ZFHX3: variants seen among roughly 807,000 people sequenced by gnomAD.
ZFHX3 encodes the protein zinc finger homeobox 3, also known as zinc finger homeobox protein 3.
A neutral mutation model predicts 279.1 loss-of-function variants in ZFHX3; 42 were observed. The ratio of observed to expected loss-of-function variants is 0.15; its 90% CI spans 0.12 to 0.19. The LOEUF (loss-of-function observed/expected upper bound fraction) is 0.19, where lower values mean the gene tolerates loss of function less well. Among genes scored for constraint, ZFHX3 ranks in the 10% least tolerant of loss-of-function variants. The probability of loss-of-function intolerance (pLI) is 1.00; values close to 1 mark genes in which losing one functional copy is unlikely to be tolerated. For synonymous variants in ZFHX3, 2,293 were observed against 1,957.8 expected, an observed-to-expected ratio of 1.17 and a Z score of -4.52; for missense variants, 4,981 against 4,754.0, an observed-to-expected ratio of 1.05 and a Z score of -1.40.
intron 1 of ZFHX3, among the ~76,000 whole-genome samples, chr16:73,755,010 C>T (rs185107538): frequency 3.9e-5 from 6 of 152,270 alleles, no homozygotes; most frequent in Admixed American, 3.9e-4. Context: ...AAAGCACCCT[C>T]CTTACAAAGG....
intron 2 of ZFHX3, among the ~76,000 whole-genome samples, chr16:73,667,679 TAACA>T (rs2052858751): frequency 6.6e-6 from 1 of 152,332 alleles, no homozygotes; most frequent in African/African-American, 2.4e-5. Flanking sequence ...ACAGGAAGGA[TAACA>T]ATCAGTAAAA....
intron 1 of ZFHX3, among the ~76,000 whole-genome samples, chr16:73,839,326 C>CAAAAAAGAAAAAAAAAAAAAAA (rs1961233006): frequency 3.3e-5 from 1 of 30,042 alleles, no homozygotes; most frequent in African/African-American, 1.2e-4. Flanking sequence ...GACTCCATCT[C>CAAAAAAGAAAAAAAAAAAAAAA]AAAAAAAAAA....
intron 3 of ZFHX3, among the ~76,000 whole-genome samples, chr16:72,915,302 T>C (rs751761449): frequency 3.3e-5 from 5 of 152,186 alleles, no homozygotes; most frequent in Non-Finnish European, 5.9e-5. Flanking sequence ...TAATACTATA[T>C]TGATCCCATC....
intron 2 of ZFHX3, among the ~76,000 whole-genome samples, chr16:73,661,198 A>G (rs2052780244): frequency 6.6e-6 from 1 of 152,250 alleles, no homozygotes; most frequent in Non-Finnish European, 1.5e-5. Flanking sequence ...TCAGAAACTT[A>G]TAAATAATAA....
At chr16:72,926,337 TC>T (rs1959447211) in intron 3 of ZFHX3, among the ~76,000 whole-genome samples, 1 of 152,078 alleles carries the variant, frequency 6.6e-6, no homozygotes, top group African/African-American at 2.4e-5. Context: ...GCCCGCCCAC[TC>T]GCTCCCCTTC....
rs982592668 is a variant in ZFHX3 at position 73,478,309 on chromosome 16, A to G, written c.-1546-22051T>C. 4.0e-5 allele frequency among the ~76,000 whole-genome samples: 6 copies of G among 149,346 alleles called. No individual in the cohort carries two copies. In the East Asian group the frequency reaches 1.0e-3, roughly 25 times the overall value. ...AAGTCAGAATTAGGTACTAAAAGCC[A>G]TATGACATGCCTGAACAGGGACTTG... On this transcript the variant is annotated intron_variant, in intron 2 of 17. Coordinates refer to the ZFHX3 transcript ENST00000641206.
intron 3 of ZFHX3, among the ~76,000 whole-genome samples, chr16:73,425,276 C>A (rs563200672): frequency 6.6e-6 from 1 of 152,144 alleles, no homozygotes; most frequent in South Asian, 2.1e-4. Context: ...CCTTGGGATG[C>A]GTGCTGATGC....
At chr16:72,884,939 G>A (rs1317939243) in intron 4 of ZFHX3, among the ~76,000 whole-genome samples, 2 of 152,154 alleles carry the variant, frequency 1.3e-5, no homozygotes, top group East Asian at 1.9e-4. Context: ...ATGCCGAGAC[G>A]AAATCCCAAC....
At chr16:73,460,892 T>C (rs983332021) in intron 2 of ZFHX3, among the ~76,000 whole-genome samples, 1 of 152,182 alleles carries the variant, frequency 6.6e-6, no homozygotes, top group African/African-American at 2.4e-5. Context: ...TCCAACGTGA[T>C]TGTAAGTTTC....
At chr16:73,502,569 C>T (rs972759195) in intron 2 of ZFHX3, among the ~76,000 whole-genome samples, 3 of 152,184 alleles carry the variant, frequency 2.0e-5, no homozygotes, top group African/African-American at 7.2e-5. Context: ...GCCTTCAGAT[C>T]TACCCAGGGA....
At chr16:73,435,501 C>G (rs1237985580) in intron 3 of ZFHX3, among the ~76,000 whole-genome samples, 1 of 152,172 alleles carries the variant, frequency 6.6e-6, no homozygotes, top group Admixed American at 6.5e-5. Context: ...TGAGCCACAG[C>G]GCCTGGCCCA....
rs1349769997 is a variant in ZFHX3, at chr16:72,784,447, A to G, written c.*2717T>C. 1 of 152,542 alleles carries G rather than the reference A, an allele frequency of 6.6e-6. No homozygotes were observed. The highest frequency in any genetic ancestry group is 2.4e-5 in the African/African-American group (1 of 41,418). 9.4% of individuals were successfully genotyped at this position (152,542 alleles called of 1,614,324 possible). A position where few individuals can be genotyped will look rare whatever the true frequency, so the allele number is the denominator to read the frequency against. On this transcript the variant is annotated 3_prime_UTR_variant, in exon 10 of 10. Transcript: ENST00000268489. ...ATTTGACAGGTAAAGCTAGTGTTACATTGTTAACTGATATCACATAGAGAA... is the reference window on the plus strand; with the variant it reads ...ATTTGACAGGTAAAGCTAGTGTTACGTTGTTAACTGATATCACATAGAGAA...
rs551325917 is a variant in ZFHX3, at chr16:72,799,324, A to AT, written c.3968-611dup. Among the ~76,000 whole-genome samples, 3 of 152,224 alleles carry AT rather than the reference A, an allele frequency of 2.0e-5. No individual in the cohort carries two copies. In the South Asian group the frequency reaches 6.2e-4, roughly 32 times the overall value. On this transcript the variant is annotated intron_variant, in intron 8 of 9. Transcript: ENST00000268489. ...TCAAGTGTTCAATTATTTAAAATACATTTTTTTCCCTACAATGAGATCATC... is the reference window on the plus strand; with the variant it reads ...TCAAGTGTTCAATTATTTAAAATACATTTTTTTTCCCTACAATGAGATCATC...
intron 1 of ZFHX3, among the ~76,000 whole-genome samples, chr16:73,877,828 T>G (rs1235122574): frequency 6.6e-6 from 1 of 152,038 alleles, no homozygotes; most frequent in African/African-American, 2.4e-5. Context: ...CAACTCAGAT[T>G]CTATTAAAAC....
intron 5 of ZFHX3, among the ~76,000 whole-genome samples, chr16:73,163,639 T>C (rs1967292502): frequency 6.6e-6 from 1 of 152,158 alleles, no homozygotes; most frequent in Non-Finnish European, 1.5e-5. Context: ...GAAAGGACAA[T>C]AGTAAGTGGA....
chr16:73,817,260 G>T (rs758373555), intron 1 of ZFHX3, among the ~76,000 whole-genome samples: 1 of 152,172 alleles, frequency 6.6e-6, no homozygotes, highest in Non-Finnish European at 1.5e-5. Context: ...AAGGAACAGG[G>T]CCAGTGATTT....
chr16:73,705,424 T>TGG (rs1418191793), intron 1 of ZFHX3, among the ~76,000 whole-genome samples: 1 of 152,162 alleles, frequency 6.6e-6, no homozygotes, highest in Non-Finnish European at 1.5e-5. Context: ...AAGCAGGAGC[T>TGG]GGCCATTGGA....
intron 1 of ZFHX3, among the ~76,000 whole-genome samples, chr16:73,734,424 G>T (rs1269514579): frequency 6.6e-6 from 1 of 152,198 alleles, no homozygotes; most frequent in African/African-American, 2.4e-5. Flanking sequence ...ATAATGAAGA[G>T]ATGGATAATT....
At chr16:73,878,455 C>A (rs557849892) in intron 1 of ZFHX3, among the ~76,000 whole-genome samples, 1 of 152,012 alleles carries the variant, frequency 6.6e-6, no homozygotes, top group Non-Finnish European at 1.5e-5. Context: ...CTCTTCACAA[C>A]GACACTAAAA....
Sources: gnomAD v4.1 joint callset for allele counts (sites outside exome capture counted in the v4.1 genomes callset) on GRCh38, gnomAD v4.1.1 for gene constraint, MANE v1.5 for transcripts, NCBI Gene and HGNC (gene_info 2026-07-23, HGNC 2026-07-21) for gene names.